Variants in LMBR1 observed in about 807,000 individuals in gnomAD.
LMBR1 encodes limb region 1 protein homolog.
A neutral mutation model predicts 73.9 loss-of-function variants in LMBR1; 52 were observed. That is an observed-to-expected ratio of 0.70 (90% confidence interval 0.56 to 0.89). The LOEUF is 0.89. LMBR1 is among the 40% of genes least tolerant of loss of function. The pLI, the probability that LMBR1 is intolerant of heterozygous loss-of-function variation, is 0.00. For missense variants in LMBR1, 539 were observed against 579.8 expected (o/e 0.93, Z 0.72); for synonymous variants, 215 against 209.4 (o/e 1.03, Z -0.23).
At chr7:156,706,600 G>A (rs1810989477) in intron 15 of LMBR1, among the ~76,000 whole-genome samples, 1 of 151,786 alleles carries the variant, frequency 6.6e-6, no homozygotes, top group South Asian at 2.1e-4. Context: ...CAAGTACACA[G>A]AAATTAACAA....
intron 1 of LMBR1, 91 bp downstream of exon 1, chr7:156,892,837 T>A: frequency 1.3e-6 from 1 of 789,870 alleles, no homozygotes; most frequent in Non-Finnish European, 1.6e-6. Context: ...GGCCCGGAGG[T>A]GAGGGGTCCG....
intron 1 of LMBR1, among the ~76,000 whole-genome samples, chr7:156,859,571 A>T (rs2365749): frequency 2.0e-4 from 12 of 60,986 alleles, no homozygotes; most frequent in Non-Finnish European, 3.0e-4. Context: ...AATTTGAAAT[A>T]AAAAAAAAAA....
intron 2 of LMBR1, among the ~76,000 whole-genome samples, chr7:156,836,082 C>T (rs1837598482): frequency 6.6e-6 from 1 of 152,188 alleles, no homozygotes; most frequent in South Asian, 2.1e-4. Context: ...TAAACTAATA[C>T]ACTAGAGCAG....
At chr7:156,684,513 C>T (rs543425428) in intron 16 of LMBR1, among the ~76,000 whole-genome samples, 4 of 152,306 alleles carry the variant, frequency 2.6e-5, no homozygotes, top group African/African-American at 4.8e-5. Context: ...GACTGCATCA[C>T]GGCACAGTTC....
intron 1 of LMBR1, among the ~76,000 whole-genome samples, chr7:156,889,893 A>T (rs138806975): frequency 7.2e-5 from 11 of 152,284 alleles, no homozygotes; most frequent in African/African-American, 2.4e-4. Context: ...AGTCCCAGCT[A>T]CTTGGGAAGC....
chr7:156,716,250 G>T (rs1813186278), intron 15 of LMBR1, among the ~76,000 whole-genome samples: 2 of 152,188 alleles, frequency 1.3e-5, no homozygotes, highest in African/African-American at 4.8e-5. Context: ...GATTTGGATA[G>T]ATAGAGAAAG....
intron 1 of LMBR1, 105 bp downstream of exon 1, chr7:156,892,823 G>A (rs1468465057): frequency 7.8e-6 from 4 of 514,624 alleles, no homozygotes; most frequent in Non-Finnish European, 1.0e-5. Context: ...GAGGCGCGAG[G>A]CGAGGCCCGG....
intron 1 of LMBR1, among the ~76,000 whole-genome samples, chr7:156,838,485 C>T (rs1838062818): frequency 1.3e-5 from 2 of 152,264 alleles, no homozygotes; most frequent in African/African-American, 4.8e-5. Flanking sequence ...CTGTGTCTGG[C>T]TTATTTTACT....
At chr7:156,786,942 A>G (rs1228787614) in intron 5 of LMBR1, among the ~76,000 whole-genome samples, 2 of 152,168 alleles carry the variant, frequency 1.3e-5, no homozygotes, top group African/African-American at 4.8e-5. Flanking sequence ...TATACATAAC[A>G]TTTTTAATCA....
chr7:156,769,094 C>G lies in LMBR1; in HGVS notation c.424-5299G>C, dbSNP rs933669713. On this transcript the variant is annotated intron_variant, in intron 5 of 16. Coordinates refer to ENST00000353442, the MANE Select transcript of LMBR1 (RefSeq NM_022458.4). The stretch of plus-strand genomic sequence containing the variant: ...GCTTGCATAGTATGATCATGTAAAA[C>G]ACGAATACCAATTTAATATAGAGTC... Among the ~76,000 whole-genome samples the G allele has an allele frequency of 2.0e-5, 3 of 152,168 alleles. No homozygotes were observed. The highest frequency in any genetic ancestry group is 4.4e-5 in the Non-Finnish European group (3 of 68,026).
At chr7:156,671,891 A>C (rs549204376) in intron 4 of LMBR1, among the ~76,000 whole-genome samples, 73 of 152,336 alleles carry the variant, frequency 4.8e-4, no homozygotes, top group Middle Eastern at 3.4e-3. Context: ...AACGGTTCTA[A>C]ATAACGTATT....
At chr7:156,677,374 G>C (rs1804262410), downstream of LMBR1, among the ~76,000 whole-genome samples, 1 of 152,166 alleles carries the variant, frequency 6.6e-6, no homozygotes, top group Non-Finnish European at 1.5e-5. Context: ...ACCCATGTCA[G>C]CCATGGGTGA....
At chr7:156,695,161 T>C (rs1166204790) in intron 15 of LMBR1, among the ~76,000 whole-genome samples, 4 of 152,110 alleles carry the variant, frequency 2.6e-5, no homozygotes, top group Admixed American at 2.0e-4. Flanking sequence ...ATTTAAAAAT[T>C]AGATGGCCAT....
At chr7:156,790,646 T>C (rs1735217731) in intron 5 of LMBR1, among the ~76,000 whole-genome samples, 1 of 151,842 alleles carries the variant, frequency 6.6e-6, no homozygotes, top group Non-Finnish European at 1.5e-5. Flanking sequence ...AAGCTGTTAC[T>C]TAACAGTAAC....
chr7:156,710,386 G>A (rs559267661), intron 15 of LMBR1, among the ~76,000 whole-genome samples: 1 of 152,144 alleles, frequency 6.6e-6, no homozygotes, highest in African/African-American at 2.4e-5. Context: ...AAATGCACTG[G>A]AAAGTTTCAA....
Position 156,734,268 on chromosome 7 carries a change from CA to C in LMBR1, c.758-12del. ...CCGATGAAGACAGCCCTGTTCAAAG[CA>C]AAAAATATTTAGAAGTAAAACAGAA... is the stretch of plus-strand genomic sequence containing the variant. On this transcript the variant is annotated splice_polypyrimidine_tract_variant and intron_variant, in intron 9 of 16. Transcript: ENST00000353442. The C allele has an allele frequency of 3.2e-6, 5 of 1,576,284 alleles. No individual in the cohort carries two copies. The highest frequency in any genetic ancestry group is 3.4e-6 in the Non-Finnish European group (4 of 1,163,934).
At chr7:156,692,694 C>T (rs1807473352) in intron 15 of LMBR1, among the ~76,000 whole-genome samples, 1 of 152,118 alleles carries the variant, frequency 6.6e-6, no homozygotes, top group Non-Finnish European at 1.5e-5. Flanking sequence ...CCAGCCATCT[C>T]CCTAAGTTCA....
intron 5 of LMBR1, among the ~76,000 whole-genome samples, chr7:156,773,645 A>G (rs534960639): frequency 5.9e-5 from 9 of 152,344 alleles, no homozygotes; most frequent in African/African-American, 1.9e-4. Context: ...CTAGCTAGCC[A>G]TATGCAGAAG....
intron 9 of LMBR1, among the ~76,000 whole-genome samples, chr7:156,745,773 A>G (rs1468328327): frequency 6.6e-6 from 1 of 152,202 alleles, no homozygotes; most frequent in Non-Finnish European, 1.5e-5. Flanking sequence ...CTCCTTGCTC[A>G]CTTCTGCCCA....
Sources: gnomAD v4.1 joint callset for allele counts (sites outside exome capture counted in the v4.1 genomes callset) on GRCh38, gnomAD v4.1.1 for gene constraint, MANE v1.5 for transcripts, NCBI Gene and HGNC (gene_info 2026-07-23, HGNC 2026-07-21) for gene names.